CADM2: variants seen among roughly 807,000 people sequenced by gnomAD.
The protein encoded by CADM2 is cell adhesion molecule 2.
A neutral mutation model predicts 49.8 loss-of-function variants in CADM2; 12 were observed. The observed-to-expected ratio is 0.24, with a 90% CI of 0.15 to 0.39. The LOEUF (loss-of-function observed/expected upper bound fraction) is 0.39. Among genes scored for constraint, CADM2 ranks in the 10% least tolerant of loss-of-function variants. CADM2 has a pLI of 1.00. For synonymous variants in CADM2, 214 were observed against 175.4 expected, an observed-to-expected ratio of 1.22 and a Z score of -1.74; for missense variants, 378 against 492.3, an observed-to-expected ratio of 0.77 and a Z score of 2.20.
At chr3:85,604,986 T>C (rs2063507133) in intron 1 of CADM2, among the ~76,000 whole-genome samples, 1 of 152,052 alleles carries the variant, frequency 6.6e-6, no homozygotes, top group South Asian at 2.1e-4. Flanking sequence ...GGCTGTGAAC[T>C]AGTTATTGAC....
At chr3:85,974,320 T>C (rs189731159) in intron 8 of CADM2, among the ~76,000 whole-genome samples, 1 of 151,684 alleles carries the variant, frequency 6.6e-6, no homozygotes, top group Non-Finnish European at 1.5e-5. Flanking sequence ...AAGAGCTATG[T>C]CTAGCTCTGT....
At chr3:85,043,894 A>G (rs548535199) in intron 1 of CADM2, among the ~76,000 whole-genome samples, 15 of 152,104 alleles carry the variant, frequency 9.9e-5, no homozygotes, top group African/African-American at 3.4e-4. Flanking sequence ...CAAACTTCTA[A>G]TTTTTTGAGT....
intron 8 of CADM2, among the ~76,000 whole-genome samples, chr3:85,976,175 T>C (rs981683848): frequency 1.3e-5 from 2 of 151,596 alleles, no homozygotes; most frequent in Admixed American, 6.6e-5. Context: ...AGCGGTATCA[T>C]TTTACAAGGG....
intron 3 of CADM2, among the ~76,000 whole-genome samples, chr3:85,857,792 A>G (rs1252291853): frequency 6.6e-6 from 1 of 152,240 alleles, no homozygotes; most frequent in African/African-American, 2.4e-5. Context: ...TATCATTAAA[A>G]TAGTTCAAAT....
chr3:85,718,408 G>A (rs1328296665), intron 1 of CADM2, among the ~76,000 whole-genome samples: 3 of 152,144 alleles, frequency 2.0e-5, no homozygotes, highest in Admixed American at 1.3e-4. Flanking sequence ...AGACATCTAA[G>A]GGTTTGCATT....
intron 1 of CADM2, among the ~76,000 whole-genome samples, chr3:85,284,056 A>G (rs1308031200): frequency 6.6e-6 from 1 of 152,174 alleles, no homozygotes; most frequent in Non-Finnish European, 1.5e-5. Flanking sequence ...AACTTTATAG[A>G]CTAAGAAAGG....
chr3:85,550,618 T>G (rs2061778387), intron 1 of CADM2, among the ~76,000 whole-genome samples: 1 of 152,204 alleles, frequency 6.6e-6, no homozygotes, highest in Non-Finnish European at 1.5e-5. Context: ...AGAAATTTAT[T>G]CTTTATATTT....
chr3:85,383,543 T>C (rs1366782426), intron 1 of CADM2, among the ~76,000 whole-genome samples: 2 of 146,064 alleles, frequency 1.4e-5, no homozygotes, highest in Admixed American at 6.9e-5. Flanking sequence ...TATATACATA[T>C]ATATATACAT....
chr3:85,447,660 C>T (rs1163427044), intron 1 of CADM2, among the ~76,000 whole-genome samples: 1 of 152,152 alleles, frequency 6.6e-6, no homozygotes, highest in African/African-American at 2.4e-5. Context: ...ATTTTTATTA[C>T]CTACGTGCCC....
At chr3:85,039,504 T>A (rs1345973237) in intron 1 of CADM2, among the ~76,000 whole-genome samples, 1 of 152,166 alleles carries the variant, frequency 6.6e-6, no homozygotes, top group African/African-American at 2.4e-5. Context: ...AAGTATTGCA[T>A]ACATTTTCTT....
At chr3:85,845,071 A>C (rs747320833) in intron 3 of CADM2, among the ~76,000 whole-genome samples, 3 of 150,114 alleles carry the variant, frequency 2.0e-5, no homozygotes, top group Non-Finnish European at 4.4e-5. Context: ...AAGGAGGTTC[A>C]CTTGAGCCCA....
intron 1 of CADM2, among the ~76,000 whole-genome samples, chr3:85,284,485 G>A (rs2043579786): frequency 6.6e-6 from 1 of 151,934 alleles, no homozygotes; most frequent in Non-Finnish European, 1.5e-5. Flanking sequence ...TTGTGGATGT[G>A]GAGGAATTTT....
intron 3 of CADM2, among the ~76,000 whole-genome samples, chr3:85,850,688 C>G (rs2075073822): frequency 6.6e-6 from 1 of 152,064 alleles, no homozygotes; most frequent in East Asian, 1.9e-4. Context: ...GTACTCTATG[C>G]CTGTGTGTGG....
chr3:85,070,270 A>G (rs557377540), intron 1 of CADM2, among the ~76,000 whole-genome samples: 1 of 152,240 alleles, frequency 6.6e-6, no homozygotes, highest in Admixed American at 6.5e-5. Flanking sequence ...ACATATGCCT[A>G]TATAGTTTAA....
At chr3:85,188,468 A>T (rs1268384382) in intron 1 of CADM2, among the ~76,000 whole-genome samples, 1 of 152,208 alleles carries the variant, frequency 6.6e-6, no homozygotes, top group Non-Finnish European at 1.5e-5. Flanking sequence ...GTATTTGCTC[A>T]GTATATTTTC....
At chr3:85,683,967 T>C (rs1418588490) in intron 1 of CADM2, among the ~76,000 whole-genome samples, 1 of 152,156 alleles carries the variant, frequency 6.6e-6, no homozygotes, top group African/African-American at 2.4e-5. Context: ...TGTAGTGCTA[T>C]AGCAGATAGC....
chr3:85,321,093 T>TAC (rs2044588737), intron 1 of CADM2, among the ~76,000 whole-genome samples: 3 of 23,644 alleles, frequency 1.3e-4, no homozygotes, highest in East Asian at 2.1e-3. Flanking sequence ...GATATATACA[T>TAC]ATATATATAT....
intron 1 of CADM2, among the ~76,000 whole-genome samples, chr3:85,457,487 A>G (rs894530926): frequency 1.3e-5 from 2 of 152,168 alleles, no homozygotes; most frequent in African/African-American, 4.8e-5. Context: ...CATATGAAAA[A>G]GAGTTAAAAT....
intron 2 of CADM2, among the ~76,000 whole-genome samples, chr3:85,755,401 T>C (rs1167277961): frequency 6.6e-6 from 1 of 152,062 alleles, no homozygotes; most frequent in Non-Finnish European, 1.5e-5. Context: ...CAGAGCTTCC[T>C]GCCCTCTCCA....
Sources: gnomAD v4.1 joint callset for allele counts (sites outside exome capture counted in the v4.1 genomes callset) on GRCh38, gnomAD v4.1.1 for gene constraint, MANE v1.5 for transcripts, NCBI Gene and HGNC (gene_info 2026-07-23, HGNC 2026-07-21) for gene names.